The following ZMYM4 variants were observed in gnomAD, a reference collection of about 807,000 sequenced individuals.
ZMYM4 encodes zinc finger MYM-type containing 4.
In ZMYM4, 31 loss-of-function variants were observed where a neutral mutation model predicts 183.2. The ratio of observed to expected loss-of-function variants is 0.17; its 90% CI spans 0.13 to 0.23. ZMYM4 has a LOEUF of 0.23. Among genes scored for constraint, ZMYM4 ranks in the 10% least tolerant of loss-of-function variants. The pLI is 1.00. For synonymous variants in ZMYM4, 592 were observed against 631.2 expected (o/e 0.94, Z 0.93); for missense variants, 1,273 against 1,840.3 (o/e 0.69, Z 5.64).
chr1:35,303,845 T>G (rs1259694188), intron 1 of ZMYM4, among the ~76,000 whole-genome samples: 2 of 152,224 alleles, frequency 1.3e-5, no homozygotes, highest in Admixed American at 1.3e-4. Context: ...TTTTCCTAGC[T>G]TCTTGATTTG....
At chr1:35,350,819 G>C (rs1643577668) in intron 2 of ZMYM4, 1 of 517,380 alleles carries the variant, frequency 1.9e-6, no homozygotes, top group African/African-American at 1.9e-5. Flanking sequence ...TACTATGCTT[G>C]GAAACGCTTA....
Position 35,307,539 on chromosome 1 carries a change from A to AT in ZMYM4, c.40-17819dup, listed in dbSNP as rs762414783. ...TATTTTTATTATTATTATTATTATT[A>AT]TTATTTTTTTTTTGAGACAGAGTCT... On this transcript the variant is annotated intron_variant, in intron 1 of 29. Coordinates refer to ENST00000314607, the MANE Select transcript of ZMYM4 (RefSeq NM_005095.3). Among the ~76,000 whole-genome samples, 659 of 141,132 alleles carry AT rather than the reference A, an allele frequency of 4.7e-3. 8 individuals are homozygous for AT. Among genetic ancestry groups the AT allele is most frequent in the Middle Eastern group, 0.018 (5 of 276 alleles). 92.6% of individuals were successfully genotyped at this position (141,132 alleles called of 152,430 possible). A position where few individuals can be genotyped will look rare whatever the true frequency, so the allele number is the denominator to read the frequency against.
At chr1:35,351,697 CAA>C in intron 2 of ZMYM4, 1 of 468,838 alleles carries the variant, frequency 2.1e-6, no homozygotes, top group Non-Finnish European at 3.8e-6. Context: ...ATCAAAAAAA[CAA>C]AAAACAAAAA....
chr1:35,272,959 C>G (rs1454066039), intron 1 of ZMYM4, among the ~76,000 whole-genome samples: 7 of 152,084 alleles, frequency 4.6e-5, no homozygotes, highest in African/African-American at 1.7e-4. Context: ...CGTGATCCAC[C>G]CGCCTCGGCC....
In ZMYM4 at chr1:35,361,685, A is replaced by C; in HGVS notation, c.736A>C (p.Asn246His). ...GGAACTGGGGAATTCCTTTGCATCA[A>C]ATATTAGAATTAAAGAAGAACCTTT... ...GSELGNSFAS[N>H]IRIKEEPLDD... Residue 246 changes from asparagine (N) to histidine (H), a missense_variant, in exon 5 of 30, where the codon AAT becomes CAT. Transcript: ENST00000314607. 6.2e-7 allele frequency: 1 copy of C among 1,613,854 alleles called. No homozygotes were observed. The highest frequency in any genetic ancestry group is 1.1e-5 in the South Asian group (1 of 91,058).
intron 5 of ZMYM4, among the ~76,000 whole-genome samples, chr1:35,368,076 A>G (rs924695458): frequency 1.1e-4 from 1 of 9,430 alleles, no homozygotes; most frequent in African/African-American, 4.2e-4. Flanking sequence ...CCCCCCACCC[A>G]TTTTTTTTGT....
intron 1 of ZMYM4, among the ~76,000 whole-genome samples, chr1:35,280,240 TTCTC>T (rs757730464): frequency 0.01 from 1,471 of 145,892 alleles, 13 homozygotes; most frequent in Non-Finnish European, 0.017. Flanking sequence ...TTCTCTTTCT[TTCTC>T]TCTTTCTTTC....
At chr1:35,388,775 C>A in intron 13 of ZMYM4, 135 bp from the exon 14 acceptor site, 1 of 722,348 alleles carries the variant, frequency 1.4e-6, no homozygotes, top group Non-Finnish European at 2.3e-6. Flanking sequence ...TGGGCTCAAG[C>A]ACTCCTCCCG....
At chr1:35,354,342 C>T (rs1383470457) in intron 2 of ZMYM4, among the ~76,000 whole-genome samples, 1 of 152,116 alleles carries the variant, frequency 6.6e-6, no homozygotes, top group Non-Finnish European at 1.5e-5. Flanking sequence ...CACTGATGAA[C>T]ACATACGCTG....
At chr1:35,312,737 T>C (rs770042962) in intron 1 of ZMYM4, among the ~76,000 whole-genome samples, 1 of 151,574 alleles carries the variant, frequency 6.6e-6, no homozygotes, top group Admixed American at 6.6e-5. Context: ...CCTTCCTTTT[T>C]TGAGACAGAG....
rs569921 is a variant in ZMYM4, at chr1:35,371,728, C to T, written c.1181+1101C>T. Among the ~76,000 whole-genome samples the T allele has an allele frequency of 8.6e-3, 1,315 of 152,256 alleles. 22 individuals carry two copies. Among genetic ancestry groups the T allele is most frequent in the African/African-American group, 0.026 (1,064 of 41,546 alleles). On this transcript the variant is annotated intron_variant, in intron 7 of 29. Transcript: ENST00000314607. ...TGCCCGGAGAGGAGAAAAAGATACT[C>T]CTCCTCCTAGTTCAGTTAGATAAGA...
intron 28 of ZMYM4, among the ~76,000 whole-genome samples, chr1:35,417,910 G>C (rs1248790695): frequency 1.3e-5 from 2 of 152,026 alleles, no homozygotes; most frequent in Non-Finnish European, 2.9e-5. Flanking sequence ...TACTTGGGAG[G>C]CTGAGGCAGG....
intron 28 of ZMYM4, 58 bp from the exon 29 acceptor site, chr1:35,418,385 A>C: frequency 6.3e-7 from 1 of 1,576,176 alleles, no homozygotes; most frequent in Non-Finnish European, 8.6e-7. Context: ...TGGTGTCTTG[A>C]GACTCAAAGA....
intron 1 of ZMYM4, among the ~76,000 whole-genome samples, chr1:35,316,621 T>C (rs1320442638): frequency 6.6e-6 from 1 of 152,196 alleles, no homozygotes; most frequent in East Asian, 1.9e-4. Context: ...TGTTGCATCC[T>C]TGTCTCCCAA....
chr1:35,304,127 C>T (rs145707257), intron 1 of ZMYM4, among the ~76,000 whole-genome samples: 35 of 152,150 alleles, frequency 2.3e-4, no homozygotes, highest in African/African-American at 7.5e-4. Context: ...CACATTCATG[C>T]GATTCTCCTG....
intron 2 of ZMYM4, among the ~76,000 whole-genome samples, chr1:35,345,990 T>C (rs1643378133): frequency 6.6e-6 from 1 of 152,204 alleles, no homozygotes; most frequent in Non-Finnish European, 1.5e-5. Flanking sequence ...TACTTTGTCT[T>C]TATGAATTCA....
chr1:35,280,230 TTCTCTTTCTTTC>T (rs1486383504), intron 1 of ZMYM4, among the ~76,000 whole-genome samples: 62 of 148,156 alleles, frequency 4.2e-4, no homozygotes, highest in South Asian at 9.0e-4. Context: ...TCCTTTCCCT[TTCTCTTTCTTTC>T]TCTCTTTCTT....
chr1:35,354,727 T>TAAAAA lies in ZMYM4; in HGVS notation c.86-4173_86-4169dup, dbSNP rs57493035. Among the ~76,000 whole-genome samples the TAAAAA allele has an allele frequency of 6.6e-3, 552 of 83,972 alleles. 33 individuals are homozygous for TAAAAA. Among genetic ancestry groups the TAAAAA allele is most frequent in the East Asian group, 0.025 (83 of 3,304 alleles). 55.1% of individuals were successfully genotyped at this position (83,972 alleles called of 152,430 possible). A position where few individuals can be genotyped will look rare whatever the true frequency, so the allele number is the denominator to read the frequency against. On this transcript the variant is annotated intron_variant, in intron 2 of 29. Transcript: ENST00000314607. ...GGGCGACAGAGTGAAACTTTGTCTT[T>TAAAAA]AAAAAAAAAAAAAAAAAAAAAAAAA...
At chr1:35,323,116 C>T (rs1034034964) in intron 1 of ZMYM4, among the ~76,000 whole-genome samples, 9 of 151,118 alleles carry the variant, frequency 6.0e-5, no homozygotes, top group South Asian at 2.1e-4. Flanking sequence ...TCTCCTGCCT[C>T]GCAGCCTCCC....
Sources: gnomAD v4.1 joint callset for allele counts (sites outside exome capture counted in the v4.1 genomes callset) on GRCh38, gnomAD v4.1.1 for gene constraint, MANE v1.5 for transcripts, NCBI Gene and HGNC (gene_info 2026-07-23, HGNC 2026-07-21) for gene names.